PSME2: variants seen among roughly 807,000 people sequenced by gnomAD.
The protein encoded by PSME2 is proteasome activator complex subunit 2.
A neutral mutation model predicts 38.8 loss-of-function variants in PSME2; 20 were observed. The ratio of observed to expected loss-of-function variants is 0.52; its 90% confidence interval spans 0.36 to 0.75. The LOEUF (loss-of-function observed/expected upper bound fraction) is 0.75, where lower values mean the gene tolerates loss of function less well. Ranked by LOEUF, PSME2 falls within the 30% of genes least tolerant of loss-of-function variation. The probability of loss-of-function intolerance (pLI) is 0.00; values close to 1 mark genes in which losing one functional copy is unlikely to be tolerated. For synonymous variants in PSME2, 82 were observed against 102.5 expected, an observed-to-expected ratio of 0.80 and a Z score of 1.21; for missense variants, 227 against 287.6, an observed-to-expected ratio of 0.79 and a Z score of 1.52.
In PSME2 at chr14:24,146,211, C is replaced by G; in HGVS notation, c.78G>C (p.Gln26His). 6.2e-7 allele frequency: 1 copy of G among 1,613,598 alleles called. No individual in the cohort carries two copies. The highest frequency in any genetic ancestry group is 8.5e-7 in the Non-Finnish European group (1 of 1,179,614). The change falls in exon 2 of 11, where the codon CAG (glutamine) becomes CAC (histidine). Residue 26 changes from glutamine to histidine, a missense_variant. Gln to His is a conservative substitution (Grantham distance 24, BLOSUM62 0). Around this residue, in one of 3 missense-constraint regions of PSME2, gnomAD observed 80 missense variants for 77.3 expected, o/e 1.04. Transcript: ENST00000216802. ...QVEVFRQNLF[Q>H]EAEEFLYRFL... is the part of the protein sequence containing the mutation. ...TCGCTCAAATCCAGAGACTTACCTC[C>G]TGGAAAAGATTCTGTCTGAAGACCT...
rs769828029 is a variant in PSME2, at chr14:24,144,448, G to T, written c.381C>A (p.His127Gln). 6.2e-7 allele frequency: 1 copy of T among 1,613,140 alleles called. No homozygotes were observed. The highest frequency in any genetic ancestry group is 8.5e-7 in the Non-Finnish European group (1 of 1,179,102). Reference sequence around the variant, plus strand: ...TTCCATCTTCAATCTTGGGGATCAGGTGTTGGATCCATGTAATCACCTGTG... The same window carrying T: ...TTCCATCTTCAATCTTGGGGATCAGTTGTTGGATCCATGTAATCACCTGTG... ...KCILVITWIQ[H>Q]LIPKIEDGND... Residue 127 changes from histidine (H) to glutamine (Q), a missense_variant, in exon 7 of 11, where the codon CAC becomes CAA. Coordinates refer to ENST00000216802, the MANE Select transcript of PSME2 (RefSeq NM_002818.3).
At position 24,143,439 on chromosome 14, in the gene PSME2, T is replaced by C. The variant is rs1023663364; in HGVS notation, c.690A>G (p.Pro230=). The change falls in exon 11 of 11, where the codon CCA becomes CCG. Residue 230 remains proline (P), a synonymous_variant. Coordinates refer to ENST00000216802, the MANE Select transcript of PSME2 (RefSeq NM_002818.3). The surrounding 1 kb of genome is among the most constrained non-coding windows in gnomAD (Gnocchi z 4.4). The part of the protein sequence containing the change: ...ISSNLEKIVN[P]KGEEKPSMY ...ACATAGATGGCTTTTCTTCACCCTTTGGGTTGACAATTTTCTCCAGGTTGC... is the reference window on the plus strand; with the variant it reads ...ACATAGATGGCTTTTCTTCACCCTTCGGGTTGACAATTTTCTCCAGGTTGC... 1.9e-6 allele frequency: 3 copies of C among 1,614,076 alleles called. No homozygotes were observed. Among genetic ancestry groups the C allele is most frequent in the Non-Finnish European group, 2.5e-6 (3 of 1,180,022 alleles).
At chr14:24,144,111 TC>T in intron 8 of PSME2, 80 bp downstream of exon 8, 4 of 1,609,558 alleles carry the variant, frequency 2.5e-6, no homozygotes, top group Non-Finnish European at 3.4e-6. Context: ...TCTCCCATCA[TC>T]CTGATAGGGC....
intron 5 of PSME2, 43 bp from the exon 6 acceptor site, chr14:24,145,198 C>T: frequency 1.2e-6 from 2 of 1,612,274 alleles, no homozygotes; most frequent in Non-Finnish European, 1.7e-6. Flanking sequence ...ATCCAGTAGT[C>T]AGTGTGCCAT....
chr14:24,145,641 T>G, intron 3 of PSME2, 69 bp downstream of exon 3: 1 of 1,532,058 alleles, frequency 6.5e-7, no homozygotes, highest in Non-Finnish European at 9.0e-7. Context: ...AATCCAGTTG[T>G]TAGCTAGAGA....
rs1361297872 is a variant in PSME2, at chr14:24,146,550, C to A, written c.32G>T (p.Gly11Val). The A allele has an allele frequency of 1.2e-6, 2 of 1,613,966 alleles. No individual in the cohort carries two copies. The highest frequency in any genetic ancestry group is 1.6e-4 in the Middle Eastern group (1 of 6,062). Residue 11 changes from glycine to valine, a missense_variant, in exon 1 of 11, where the codon GGG becomes GTG. By Grantham distance (109) the Gly-to-Val change is moderately radical. This residue lies in a region of PSME2 where 80 missense variants were observed against 77.3 expected (regional missense o/e 1.04). Coordinates refer to ENST00000216802, the MANE Select transcript of PSME2 (RefSeq NM_002818.3). MAKPCGVRLS[G>V]EARKQVEVFR... is the part of the protein sequence containing the mutation. ...CCCCATTACCTGTTTGCGGGCTTCCCCGCTCAGGCGCACCCCACACGGCTT... is the reference window on the plus strand; with the variant it reads ...CCCCATTACCTGTTTGCGGGCTTCCACGCTCAGGCGCACCCCACACGGCTT...
chr14:24,143,982 G>GT lies in PSME2; in HGVS notation c.544dup (p.Thr182AsnfsTer12), dbSNP rs1323553585. 2.5e-6 allele frequency: 4 copies of GT among 1,614,076 alleles called. No homozygotes were observed. In the Admixed American group the frequency reaches 6.7e-5, roughly 27 times the overall value. Reference sequence around the variant, plus strand: ...GGTGGACTATCCACTCACTACATGAGTCTCCTTGGAGGCCTTGGCCACAGC... The same window carrying GT: ...GGTGGACTATCCACTCACTACATGAGTTCTCCTTGGAGGCCTTGGCCACAGC... On this transcript the variant is annotated frameshift_variant, in exon 9 of 11. Coordinates refer to ENST00000216802, the MANE Select transcript of PSME2 (RefSeq NM_002818.3). LOFTEE classifies it high-confidence loss of function. The surrounding 1 kb of genome is among the most constrained non-coding windows in gnomAD (Gnocchi z 4.4).
In PSME2 at chr14:24,145,782, A is replaced by G; in HGVS notation, c.82-10T>C. Reference sequence around the variant, plus strand: ...AGAGGAATTCCTCAGCCTGTGGGTTACATTGCAAGGGAGGGGAATCACAGA... The same window carrying G: ...AGAGGAATTCCTCAGCCTGTGGGTTGCATTGCAAGGGAGGGGAATCACAGA... On this transcript the variant is annotated splice_polypyrimidine_tract_variant and intron_variant, in intron 2 of 10. Transcript: ENST00000216802. 1 of 1,611,076 alleles carries G rather than the reference A, an allele frequency of 6.2e-7. No homozygotes were observed. Among genetic ancestry groups the G allele is most frequent in the African/African-American group, 1.3e-5 (1 of 74,982 alleles).
rs943995684 is a variant in PSME2 at position 24,144,878 on chromosome 14, C to T, written c.360+180G>A. 9.4e-5 allele frequency: 63 copies of T among 668,814 alleles called. No homozygotes were observed. In the East Asian group the frequency reaches 1.3e-3, roughly 14 times the overall value. 41.4% of individuals were successfully genotyped at this position (668,814 alleles called of 1,614,324 possible). On this transcript the variant is annotated intron_variant, in intron 6 of 10. Coordinates refer to ENST00000216802, the MANE Select transcript of PSME2 (RefSeq NM_002818.3). ...GCACAGTCTCTAATTTTGGGGGTAC[C>T]GTTGTGATAAGAGAGGTCTAACAGA...
At chr14:24,146,081 G>C in intron 2 of PSME2, 127 bp downstream of exon 2, 1 of 1,195,946 alleles carries the variant, frequency 8.4e-7, no homozygotes, top group Non-Finnish European at 1.2e-6. Context: ...GGGTTACTTT[G>C]GGTGAAGGCT....
chr14:24,144,265 G>T lies in PSME2; in HGVS notation c.430-6C>A. The T allele has an allele frequency of 4.3e-6, 7 of 1,614,096 alleles. No homozygotes were observed. The highest frequency in any genetic ancestry group is 5.1e-6 in the Non-Finnish European group (6 of 1,179,970). ...ACCCTCTCCAGCACCTTCTCCTGTG[G>T]TGACACGGGAGGCAAAGACAACACT... On this transcript the variant is annotated splice_region_variant and splice_polypyrimidine_tract_variant and intron_variant, in intron 7 of 10. Coordinates refer to ENST00000216802, the MANE Select transcript of PSME2 (RefSeq NM_002818.3).
At chr14:24,144,298 C>T (rs1208365501) in intron 7 of PSME2, 39 bp from the exon 8 acceptor site, 2 of 1,612,400 alleles carry the variant, frequency 1.2e-6, no homozygotes, top group Non-Finnish European at 1.7e-6. Flanking sequence ...ACTTCATGTC[C>T]TCCCCATTTC....
chr14:24,145,925 G>C, intron 2 of PSME2, 153 bp from the exon 3 acceptor site: 1 of 898,854 alleles, frequency 1.1e-6, no homozygotes, highest in Non-Finnish European at 1.8e-6. Context: ...GCCCAAGCTG[G>C]TAAATGGCAG....
intron 1 of PSME2, 26 bp downstream of exon 1, chr14:24,146,508 C>G: frequency 1.2e-6 from 2 of 1,613,954 alleles, no homozygotes; most frequent in Non-Finnish European, 1.7e-6. Flanking sequence ...TCTATGACCC[C>G]TTCCTGGCCT....
intron 6 of PSME2, 99 bp from the exon 7 acceptor site, chr14:24,144,567 TATTAC>T (rs2038122768): frequency 1.1e-5 from 12 of 1,118,856 alleles, no homozygotes; most frequent in Non-Finnish European, 1.6e-5. Flanking sequence ...ATTGGGTACT[TATTAC>T]ATACCAGGTA....
rs4575 is a variant in PSME2 at position 24,146,226 on chromosome 14, T to C, written c.63A>G (p.Arg21=). 0.33 allele frequency: 539,544 copies of C among 1,612,236 alleles called. 102,559 individuals are homozygous for C. The highest frequency in any genetic ancestry group is 0.72 in the African/African-American group (53,807 of 74,776). ...GEARKQVEVF[R]QNLFQEAEEF... Reference sequence around the variant, plus strand: ...GACTTACCTCCTGGAAAAGATTCTGTCTGAAGACCTCCACCTACACAGAGA... The same window carrying C: ...GACTTACCTCCTGGAAAAGATTCTGCCTGAAGACCTCCACCTACACAGAGA... The change falls in exon 2 of 11, where the codon AGA becomes AGG. Residue 21 remains arginine (R), a synonymous_variant. Coordinates refer to ENST00000216802, the MANE Select transcript of PSME2 (RefSeq NM_002818.3).
chr14:24,143,623 C>T lies in PSME2; in HGVS notation c.601G>A (p.Glu201Lys). Residue 201 changes from glutamate (E) to lysine (K), a missense_variant, in exon 10 of 11, where the codon GAG becomes AAG. Glu to Lys is a moderately conservative substitution (Grantham distance 56, BLOSUM62 1). Transcript: ENST00000216802. This position sits in a 1 kb window ranked among gnomAD's most constrained non-coding sequence, Gnocchi z 4.4. The part of the protein sequence containing the change: ...VHERDEAAYG[E>K]LRAMVLDLRA... ...AGGTCCAGCACCATGGCCCTGAGCT[C>T]CCCATAGGCTGCCTCATCTCGCTCA... 1.9e-6 allele frequency: 3 copies of T among 1,614,112 alleles called. No homozygotes were observed. The highest frequency in any genetic ancestry group is 2.5e-6 in the Non-Finnish European group (3 of 1,180,030).
Position 24,145,925 on chromosome 14 carries a change from G to A in PSME2, c.82-153C>T, listed in dbSNP as rs144451618. 6 of 898,854 alleles carry A rather than the reference G, an allele frequency of 6.7e-6. No homozygotes were observed. In the East Asian group the frequency reaches 1.3e-4, roughly 19 times the overall value. The allele number at this position is 898,854 out of a possible 1,614,324, so 55.7% of individuals were successfully genotyped here. ...AAAATGAAAGGACTTGCCCAAGCTG[G>A]TAAATGGCAGAACGAAGGTTAGGAC... is the stretch of plus-strand genomic sequence containing the variant. On this transcript the variant is annotated intron_variant, in intron 2 of 10. Coordinates refer to ENST00000216802, the MANE Select transcript of PSME2 (RefSeq NM_002818.3).
chr14:24,145,197 T>C, intron 5 of PSME2, 42 bp from the exon 6 acceptor site: 1 of 1,612,214 alleles, frequency 6.2e-7, no homozygotes, highest in Non-Finnish European at 8.5e-7. Context: ...CATCCAGTAG[T>C]CAGTGTGCCA....
Sources: allele counts gnomAD v4.1 joint callset, GRCh38; gene constraint gnomAD v4.1.1; regional missense constraint gnomAD v4.1.1; non-coding constraint Gnocchi (gnomAD v3.1); transcripts MANE v1.5; gene names NCBI Gene and HGNC (gene_info 2026-07-23, HGNC 2026-07-21).